Variants in TPH2 observed in about 807,000 individuals in gnomAD.
TPH2 encodes tryptophan 5-hydroxylase 2.
TPH2 carries 27 observed loss-of-function variants against 59.1 expected under a neutral mutation model. The observed-to-expected ratio is 0.46, with a 90% CI of 0.34 to 0.63. The LOEUF is 0.63. Among genes scored for constraint, TPH2 ranks in the 30% least tolerant of loss-of-function variants. The pLI is 0.01. For missense variants in TPH2, 523 were observed against 588.3 expected (o/e 0.89, Z 1.15); for synonymous variants, 220 against 210.5 (o/e 1.05, Z -0.39).
At chr12:71,976,003 C>T (rs759760494) in intron 6 of TPH2, among the ~76,000 whole-genome samples, 1 of 152,188 alleles carries the variant, frequency 6.6e-6, no homozygotes, top group Admixed American at 6.5e-5. Context: ...ATTTGCCCCC[C>T]AAATTAATAT....
chr12:71,961,463 A>G (rs943395914), intron 5 of TPH2: 11 of 1,182,604 alleles, frequency 9.3e-6, no homozygotes, highest in Non-Finnish European at 1.2e-5. Flanking sequence ...AGGGCCTAGT[A>G]GTTAGCTGTG....
chr12:71,985,633 G>A (rs1285702773), intron 7 of TPH2, among the ~76,000 whole-genome samples: 3 of 152,082 alleles, frequency 2.0e-5, no homozygotes, highest in African/African-American at 4.8e-5. Context: ...TCCTGACCTC[G>A]TGATCCAGCC....
At chr12:71,986,632 T>TC (rs1375906986) in intron 7 of TPH2, among the ~76,000 whole-genome samples, 2 of 148,178 alleles carry the variant, frequency 1.3e-5, no homozygotes, top group Non-Finnish European at 3.0e-5. Flanking sequence ...CCACCCTTCT[T>TC]TTTTTTTTTT....
chr12:72,020,570 C>G (rs940843027), intron 8 of TPH2, among the ~76,000 whole-genome samples: 4 of 152,112 alleles, frequency 2.6e-5, no homozygotes, highest in African/African-American at 9.7e-5. Context: ...CTCACTGCAA[C>G]TTCCGTCTCC....
chr12:71,995,141 C>T (rs1201117415), intron 8 of TPH2, among the ~76,000 whole-genome samples: 4 of 152,078 alleles, frequency 2.6e-5, no homozygotes, highest in Non-Finnish European at 4.4e-5. Context: ...ATTCTAAGTA[C>T]AAAACCAGGA....
chr12:72,012,868 G>A (rs761789276), intron 8 of TPH2, among the ~76,000 whole-genome samples: 4 of 152,116 alleles, frequency 2.6e-5, no homozygotes. Context: ...TAAGAAGTCA[G>A]GTGGCCTTCT....
At chr12:72,020,013 A>T (rs1332407300) in intron 8 of TPH2, among the ~76,000 whole-genome samples, 2 of 152,180 alleles carry the variant, frequency 1.3e-5, no homozygotes, top group Non-Finnish European at 2.9e-5. Flanking sequence ...TAATTCATTT[A>T]CCGTTTATTT....
chr12:71,942,257 C>T (rs1871090943), intron 2 of TPH2, among the ~76,000 whole-genome samples: 1 of 152,078 alleles, frequency 6.6e-6, no homozygotes, highest in African/African-American at 2.4e-5. Context: ...GTAGCTCTTC[C>T]CTTATCTTAT....
chr12:72,008,080 A>G (rs1873002845), intron 8 of TPH2, among the ~76,000 whole-genome samples: 1 of 152,220 alleles, frequency 6.6e-6, no homozygotes, highest in South Asian at 2.1e-4. Context: ...ATAAGTGAAC[A>G]GGGACTTTAT....
At chr12:72,015,465 G>T (rs978018335) in intron 8 of TPH2, among the ~76,000 whole-genome samples, 24 of 151,764 alleles carry the variant, frequency 1.6e-4, no homozygotes, top group African/African-American at 5.6e-4. Flanking sequence ...GACTACAGGT[G>T]CCCACCACCA....
At chr12:72,007,740 C>A (rs1049929636) in intron 8 of TPH2, among the ~76,000 whole-genome samples, 1 of 151,680 alleles carries the variant, frequency 6.6e-6, no homozygotes, top group African/African-American at 2.4e-5. Flanking sequence ...TTAGCTCTCA[C>A]AAAAACTTTT....
At chr12:72,021,039 C>A (rs1236747114) in intron 8 of TPH2, among the ~76,000 whole-genome samples, 2 of 129,510 alleles carry the variant, frequency 1.5e-5, no homozygotes, top group Non-Finnish European at 3.4e-5. Context: ...TTATTTTCTG[C>A]CCCTTTTCAG....
intron 9 of TPH2, among the ~76,000 whole-genome samples, chr12:72,029,418 C>T (rs917576265): frequency 3.9e-5 from 6 of 152,082 alleles, no homozygotes; most frequent in South Asian, 4.1e-4. Context: ...CCAGAGTGTA[C>T]GGATGCAAAG....
At chr12:71,954,747 G>A (rs989265151) in intron 5 of TPH2, among the ~76,000 whole-genome samples, 3 of 152,080 alleles carry the variant, frequency 2.0e-5, no homozygotes, top group African/African-American at 4.8e-5. Context: ...TCAGTGATAC[G>A]TTTTTTCAAT....
intron 9 of TPH2, among the ~76,000 whole-genome samples, chr12:72,027,285 G>A (rs1318013081): frequency 1.3e-5 from 2 of 152,122 alleles, no homozygotes; most frequent in Non-Finnish European, 2.9e-5. Flanking sequence ...GAGGGAGAAG[G>A]GCTGCACAAA....
At chr12:71,984,449 C>G (rs1313970276) in intron 7 of TPH2, among the ~76,000 whole-genome samples, 3 of 152,118 alleles carry the variant, frequency 2.0e-5, no homozygotes, top group Non-Finnish European at 4.4e-5. Context: ...TTTTTTCTTT[C>G]CCAACTTTTC....
chr12:71,939,157 A>G, intron 1 of TPH2, 66 bp downstream of exon 1: 1 of 1,206,362 alleles, frequency 8.3e-7, no homozygotes, highest in Non-Finnish European at 1.2e-6. Flanking sequence ...TCTCCTCACC[A>G]TATGAATCCC....
chr12:71,944,591 G>C lies in TPH2; in HGVS notation c.445G>C (p.Glu149Gln). 6.2e-7 allele frequency: 1 copy of C among 1,613,954 alleles called. No individual in the cohort carries two copies. Among genetic ancestry groups the C allele is most frequent in the Non-Finnish European group, 8.5e-7 (1 of 1,179,846 alleles). ...ENIWTEEEELEDVPWFPRKIS... is the reference protein window; with the variant it reads ...ENIWTEEEELQDVPWFPRKIS... ...ACCTGCACTGTTTTCAACAGAGCTA[G>C]AGGATGTGCCCTGGTTCCCTCGGAA... Residue 149 changes from glutamate to glutamine, a missense_variant, in exon 4 of 11, where the codon GAG (glutamate) becomes CAG (glutamine). Coordinates refer to ENST00000333850, the MANE Select transcript of TPH2 (RefSeq NM_173353.4).
At chr12:71,996,110 G>A (rs374581911) in intron 8 of TPH2, among the ~76,000 whole-genome samples, 2 of 152,322 alleles carry the variant, frequency 1.3e-5, no homozygotes, top group South Asian at 2.1e-4. Context: ...TCAAGATGCT[G>A]GCTGGGCCTG....
Sources: allele counts gnomAD v4.1 joint callset (sites outside exome capture counted in the v4.1 genomes callset), GRCh38; gene constraint gnomAD v4.1.1; transcripts MANE v1.5; gene names NCBI Gene and HGNC (gene_info 2026-07-23, HGNC 2026-07-21).